Variants in CREB5 observed in about 807,000 individuals in gnomAD.
The protein encoded by CREB5 is cAMP responsive element binding protein 5, also known as cyclic AMP-responsive element-binding protein 5.
In CREB5, 19 loss-of-function variants were observed where a neutral mutation model predicts 57.1. The ratio of observed to expected loss-of-function variants is 0.33; its 90% CI spans 0.23 to 0.49. The LOEUF is 0.49. Among genes scored for constraint, CREB5 ranks in the 20% least tolerant of loss-of-function variants. The pLI is 0.99. For synonymous variants in CREB5, 238 were observed against 238.3 expected (o/e 1.00, Z 0.01); for missense variants, 579 against 671.6 (o/e 0.86, Z 1.52).
intron 5 of CREB5, among the ~76,000 whole-genome samples, chr7:28,607,823 T>C (rs1031720920): frequency 6.8e-6 from 1 of 147,754 alleles, no homozygotes; most frequent in Non-Finnish European, 1.5e-5. Context: ...GGAAAGATAG[T>C]ATTCTAACAA....
At chr7:28,727,255 A>G (rs993393841) in intron 7 of CREB5, among the ~76,000 whole-genome samples, 2 of 152,110 alleles carry the variant, frequency 1.3e-5, no homozygotes, top group Non-Finnish European at 2.9e-5. Context: ...TGGCTTCACA[A>G]TGCACGTATT....
At chr7:28,481,705 G>T (rs1791340231) in intron 1 of CREB5, among the ~76,000 whole-genome samples, 1 of 152,200 alleles carries the variant, frequency 6.6e-6, no homozygotes, top group Non-Finnish European at 1.5e-5. Flanking sequence ...AAGACCACAA[G>T]ATCCTTTCAC....
At chr7:28,634,576 C>T (rs1409086474) in intron 5 of CREB5, among the ~76,000 whole-genome samples, 1 of 152,114 alleles carries the variant, frequency 6.6e-6, no homozygotes, top group Non-Finnish European at 1.5e-5. Flanking sequence ...ACAAGCCCTC[C>T]CCTGTGTATC....
chr7:28,783,835 C>A (rs6976396), intron 7 of CREB5, among the ~76,000 whole-genome samples: 25,269 of 152,172 alleles, frequency 0.17, 2,269 homozygotes, highest in African/African-American at 0.22. Flanking sequence ...AAAGCAGGCC[C>A]TTGATAAACT....
intron 7 of CREB5, among the ~76,000 whole-genome samples, chr7:28,748,783 G>A (rs1804822065): frequency 6.6e-6 from 1 of 152,182 alleles, no homozygotes; most frequent in Non-Finnish European, 1.5e-5. Flanking sequence ...TGGTTTGTAG[G>A]TCTTGGCCCT....
intron 5 of CREB5, among the ~76,000 whole-genome samples, chr7:28,683,198 G>T (rs1259109032): frequency 6.6e-6 from 1 of 152,156 alleles, no homozygotes; most frequent in Admixed American, 6.5e-5. Flanking sequence ...AGGGGAGAAG[G>T]CCAAATGGGT....
chr7:28,444,611 A>C (rs549149763), intron 1 of CREB5, among the ~76,000 whole-genome samples: 11 of 152,124 alleles, frequency 7.2e-5, no homozygotes, highest in Non-Finnish European at 1.6e-4. Context: ...AAAAAATAGG[A>C]AGAAAAGAAG....
At chr7:28,551,141 A>G (rs1446238200) in intron 4 of CREB5, among the ~76,000 whole-genome samples, 1 of 150,366 alleles carries the variant, frequency 6.7e-6, no homozygotes, top group Non-Finnish European at 1.5e-5. Flanking sequence ...GGCATCTCCC[A>G]CAGATTCAAG....
chr7:28,696,783 CATACGTATACGTATACGT>C (rs537823201), intron 5 of CREB5, among the ~76,000 whole-genome samples: 4 of 148,256 alleles, frequency 2.7e-5, no homozygotes, highest in African/African-American at 1.1e-4. Context: ...TATATATACA[CATACGTATACGTATACGT>C]ATATATACAC....
chr7:28,786,333 G>A (rs1327814152), intron 7 of CREB5, among the ~76,000 whole-genome samples: 1 of 152,016 alleles, frequency 6.6e-6, no homozygotes, highest in Non-Finnish European at 1.5e-5. Context: ...TGCAACCTCC[G>A]CCCCCTAGGT....
chr7:28,551,615 G>T (rs1361801330), intron 4 of CREB5, among the ~76,000 whole-genome samples: 4 of 152,188 alleles, frequency 2.6e-5, no homozygotes, highest in Non-Finnish European at 5.9e-5. Flanking sequence ...GCCTGACAGT[G>T]TTTACCTTCT....
chr7:28,782,901 C>T (rs550769753), intron 7 of CREB5, among the ~76,000 whole-genome samples: 23 of 152,232 alleles, frequency 1.5e-4, no homozygotes, highest in African/African-American at 5.3e-4. Flanking sequence ...TTTTTCCACA[C>T]CCATTTATCT....
chr7:28,353,151 G>A (rs140830690), intron 1 of CREB5, among the ~76,000 whole-genome samples: 11 of 151,748 alleles, frequency 7.2e-5, no homozygotes, highest in South Asian at 4.2e-4. Flanking sequence ...GTTTAATGAC[G>A]CAATCTTGGC....
At chr7:28,720,017 A>G (rs1391982591) in intron 6 of CREB5, among the ~76,000 whole-genome samples, 2 of 152,194 alleles carry the variant, frequency 1.3e-5, no homozygotes, top group African/African-American at 4.8e-5. Flanking sequence ...CTGAGATCAC[A>G]CCACTGCACT....
intron 1 of CREB5, among the ~76,000 whole-genome samples, chr7:28,350,724 G>T (rs1315776516): frequency 6.6e-6 from 1 of 152,050 alleles, no homozygotes; most frequent in Non-Finnish European, 1.5e-5. Context: ...GGAGAGCCCT[G>T]AGCTTCAAGG....
intron 5 of CREB5, among the ~76,000 whole-genome samples, chr7:28,698,458 G>A (rs1562580142): frequency 1.3e-5 from 2 of 151,378 alleles, no homozygotes; most frequent in South Asian, 2.1e-4. Context: ...AAAAATACAT[G>A]AGTCCCCTCC....
intron 5 of CREB5, among the ~76,000 whole-genome samples, chr7:28,608,525 A>C (rs1277614593): frequency 6.6e-6 from 1 of 152,066 alleles, no homozygotes; most frequent in Admixed American, 6.6e-5. Context: ...GAAACTTCAT[A>C]TTATTCAGTC....
chr7:28,715,746 T>G (rs966362724), intron 5 of CREB5, among the ~76,000 whole-genome samples: 4 of 152,178 alleles, frequency 2.6e-5, no homozygotes, highest in Admixed American at 2.0e-4. Context: ...GGGAAATGAT[T>G]TATAGAATCT....
In CREB5 at chr7:28,738,172, T is replaced by A. The variant is rs191285887; in HGVS notation, c.702+13840T>A. ...TATGTCTGTGCAAATTACTTTGAAT[T>A]ATCCAAATATTTGGAATACGTCTAG... On this transcript the variant is annotated intron_variant, in intron 7 of 10. Transcript: ENST00000357727. Among the ~76,000 whole-genome samples the A allele has an allele frequency of 1.9e-4, 29 of 152,336 alleles. 1 individual carries two copies. The East Asian group carries it at 5.2e-3, about 27-fold the overall frequency.
Sources: allele counts gnomAD v4.1 joint callset (sites outside exome capture counted in the v4.1 genomes callset), GRCh38; gene constraint gnomAD v4.1.1; transcripts MANE v1.5; gene names NCBI Gene and HGNC (gene_info 2026-07-23, HGNC 2026-07-21).